The following GOLIM4 variants were observed in gnomAD, a reference collection of about 807,000 sequenced individuals.
GOLIM4 encodes 130 kDa golgi-localized phosphoprotein.
A neutral mutation model predicts 107.4 loss-of-function variants in GOLIM4; 71 were observed. The observed-to-expected ratio is 0.66, with a 90% CI of 0.55 to 0.81. GOLIM4 has a LOEUF of 0.81. GOLIM4 is among the 30% of genes least tolerant of loss of function. GOLIM4 has a pLI of 0.00. For synonymous variants in GOLIM4, 327 were observed against 294.8 expected (o/e 1.11, Z -1.12); for missense variants, 830 against 826.1 (o/e 1.00, Z -0.06).
chr3:168,086,561 G>A (rs1577579872), intron 1 of GOLIM4, among the ~76,000 whole-genome samples: 1 of 152,056 alleles, frequency 6.6e-6, no homozygotes, highest in Non-Finnish European at 1.5e-5. Flanking sequence ...TCATTTCAAT[G>A]TTCTATAATG....
At chr3:168,046,199 A>T (rs905153010) in intron 3 of GOLIM4, among the ~76,000 whole-genome samples, 3 of 152,192 alleles carry the variant, frequency 2.0e-5, no homozygotes, top group Non-Finnish European at 4.4e-5. Context: ...ACCCCAAAAT[A>T]TCAATGTTTT....
chr3:168,080,078 T>C (rs775933539), intron 1 of GOLIM4, among the ~76,000 whole-genome samples: 1 of 152,162 alleles, frequency 6.6e-6, no homozygotes, highest in Non-Finnish European at 1.5e-5. Flanking sequence ...CTAATTCCTA[T>C]GGAAGTATAT....
chr3:168,024,650 A>C (rs1292835920), intron 13 of GOLIM4, 56 bp from the exon 14 acceptor site: 1 of 1,359,010 alleles, frequency 7.4e-7, no homozygotes. Flanking sequence ...TGCCTTTTAC[A>C]CAGTACTCTG....
chr3:168,044,992 A>G (rs1386715194), intron 3 of GOLIM4, 111 bp from the exon 4 acceptor site: 1 of 594,844 alleles, frequency 1.7e-6, no homozygotes. Context: ...GTGTACAGTA[A>G]AATGAATTCT....
chr3:168,095,399 G>A lies in GOLIM4; in HGVS notation c.-114C>T. The A allele has an allele frequency of 2.4e-6, 2 of 841,820 alleles. No homozygotes were observed. The highest frequency in any genetic ancestry group is 6.3e-5 in the Admixed American group (2 of 31,534). The allele number at this position is 841,820 out of a possible 1,614,324, so 52.1% of individuals were successfully genotyped here. On this transcript the variant is annotated 5_prime_UTR_variant, in exon 1 of 16. Coordinates refer to ENST00000470487, the MANE Select transcript of GOLIM4 (RefSeq NM_014498.5). Reference sequence around the variant, plus strand: ...GTGGCCAGACGCAGCATGAGGAGGAGATGCCAGACACAAAAGCCGGCCCGG... The same window carrying A: ...GTGGCCAGACGCAGCATGAGGAGGAAATGCCAGACACAAAAGCCGGCCCGG...
intron 9 of GOLIM4, among the ~76,000 whole-genome samples, chr3:168,031,319 A>G (rs773668291): frequency 6.6e-6 from 1 of 152,212 alleles, no homozygotes; most frequent in Non-Finnish European, 1.5e-5. Flanking sequence ...CAAAACAGCT[A>G]GAAGAATTTG....
intron 1 of GOLIM4, among the ~76,000 whole-genome samples, chr3:168,089,018 G>A (rs568589010): frequency 2.0e-5 from 3 of 152,184 alleles, no homozygotes; most frequent in Non-Finnish European, 4.4e-5. Flanking sequence ...TTAGAGGGAT[G>A]ACTAAGGTGG....
At chr3:168,022,570 G>A (rs1330734371) in intron 14 of GOLIM4, among the ~76,000 whole-genome samples, 1 of 152,152 alleles carries the variant, frequency 6.6e-6, no homozygotes, top group Non-Finnish European at 1.5e-5. Flanking sequence ...TCTCTCAAGG[G>A]AAGACCTGGG....
At chr3:168,092,434 G>T (rs1279137415) in intron 1 of GOLIM4, among the ~76,000 whole-genome samples, 2 of 152,108 alleles carry the variant, frequency 1.3e-5, no homozygotes, top group African/African-American at 4.8e-5. Context: ...TTAACTTGGG[G>T]TTACAAGTAA....
chr3:168,026,860 T>G (rs1323968860), intron 12 of GOLIM4, among the ~76,000 whole-genome samples: 1 of 152,248 alleles, frequency 6.6e-6, no homozygotes, highest in African/African-American at 2.4e-5. Flanking sequence ...AAAAGGGCTT[T>G]AAGTAGCTAG....
At chr3:168,024,069 G>A (rs1014582346) in intron 14 of GOLIM4, among the ~76,000 whole-genome samples, 2 of 152,172 alleles carry the variant, frequency 1.3e-5, no homozygotes, top group African/African-American at 2.4e-5. Context: ...AGGAGAGACT[G>A]TAAAATTTAC....
Position 168,095,510 on chromosome 3 carries a change from C to T in GOLIM4, c.-225G>A. 1 of 507,542 alleles carries T rather than the reference C, an allele frequency of 2.0e-6. No homozygotes were observed. The highest frequency in any genetic ancestry group is 3.5e-6 in the Non-Finnish European group (1 of 289,740). The allele number at this position is 507,542 out of a possible 1,614,324, so 31.4% of individuals were successfully genotyped here. On this transcript the variant is annotated 5_prime_UTR_variant, in exon 1 of 16. Transcript: ENST00000470487. ...CCGGGCAGCTGCAGCCAAACTTCTGCGAGGCTCGTTCTCCGCGAATGCCCG... is the reference window on the plus strand; with the variant it reads ...CCGGGCAGCTGCAGCCAAACTTCTGTGAGGCTCGTTCTCCGCGAATGCCCG...
Position 168,024,241 on chromosome 3 carries a change from C to CA in GOLIM4, c.1860+284dup, listed in dbSNP as rs1717870995. 3.3e-5 allele frequency among the ~76,000 whole-genome samples: 5 copies of CA among 152,274 alleles called. No individual in the cohort carries two copies. The South Asian group carries it at 1.0e-3, about 32-fold the overall frequency. ...GAAAATATTCTTACAAAAGATTGCA[C>CA]AAATCTAAGTCCACCATTCCTGGAA... On this transcript the variant is annotated intron_variant, in intron 14 of 15. Coordinates refer to ENST00000470487, the MANE Select transcript of GOLIM4 (RefSeq NM_014498.5).
At chr3:168,062,549 A>G (rs569055399) in intron 1 of GOLIM4, among the ~76,000 whole-genome samples, 29 of 152,186 alleles carry the variant, frequency 1.9e-4, no homozygotes, top group Admixed American at 1.7e-3. Flanking sequence ...CCTCCATAAT[A>G]CCTAACCGCA....
At chr3:168,034,223 A>G (rs913124548) in intron 8 of GOLIM4, among the ~76,000 whole-genome samples, 7 of 152,152 alleles carry the variant, frequency 4.6e-5, no homozygotes, top group African/African-American at 1.2e-4. Flanking sequence ...ATATTTCTCT[A>G]AAGAGCTCTA....
intron 1 of GOLIM4, among the ~76,000 whole-genome samples, chr3:168,094,786 G>C (rs746629582): frequency 1.1e-4 from 16 of 152,204 alleles, no homozygotes; most frequent in Non-Finnish European, 1.9e-4. Context: ...TCCCTGCCCC[G>C]ATTGCAGCTG....
At chr3:168,063,562 G>A (rs1293276284) in intron 1 of GOLIM4, among the ~76,000 whole-genome samples, 1 of 152,034 alleles carries the variant, frequency 6.6e-6, no homozygotes, top group Non-Finnish European at 1.5e-5. Context: ...TGAGATATTG[G>A]GCATTGCCTG....
chr3:168,056,583 G>A (rs1037783461), intron 1 of GOLIM4, among the ~76,000 whole-genome samples: 7 of 152,202 alleles, frequency 4.6e-5, no homozygotes, highest in South Asian at 2.1e-4. Context: ...CCAAAGGGGC[G>A]GAGCTGCCCA....
chr3:168,040,518 G>A (rs1486056402), intron 7 of GOLIM4, among the ~76,000 whole-genome samples: 1 of 152,174 alleles, frequency 6.6e-6, no homozygotes, highest in African/African-American at 2.4e-5. Context: ...TCATTTCTGT[G>A]ATTTAAACAA....
Sources: gnomAD v4.1 joint callset for allele counts (sites outside exome capture counted in the v4.1 genomes callset) on GRCh38, gnomAD v4.1.1 for gene constraint, MANE v1.5 for transcripts, NCBI Gene and HGNC (gene_info 2026-07-23, HGNC 2026-07-21) for gene names.